AJAP1: variants seen among roughly 807,000 people sequenced by gnomAD.
AJAP1 encodes adherens junction-associated protein 1.
Under a neutral mutation model 35.0 loss-of-function variants are expected in AJAP1, and 5 were observed. The ratio of observed to expected loss-of-function variants is 0.14; its 90% confidence interval spans 0.07 to 0.30. The LOEUF (loss-of-function observed/expected upper bound fraction) is 0.30. Among genes scored for constraint, AJAP1 ranks in the 10% least tolerant of loss-of-function variants. The pLI, the probability that AJAP1 is intolerant of heterozygous loss-of-function variation, is 1.00. For synonymous variants in AJAP1, 284 were observed against 249.3 expected, an observed-to-expected ratio of 1.14 and a Z score of -1.31; for missense variants, 586 against 571.0, an observed-to-expected ratio of 1.03 and a Z score of -0.27.
intron 2 of AJAP1, among the ~76,000 whole-genome samples, chr1:4,742,752 A>C (rs1398418435): frequency 1.3e-5 from 2 of 152,176 alleles, no homozygotes; most frequent in African/African-American, 4.8e-5. Flanking sequence ...CATGAAACAC[A>C]ACCGTTCCCC....
In AJAP1 at chr1:4,750,077, G is replaced by A. The variant is rs1330185996; in HGVS notation, c.830-19776G>A. On this transcript the variant is annotated intron_variant, in intron 2 of 5. Transcript: ENST00000378191. The stretch of plus-strand genomic sequence containing the variant: ...GTATCTATATATGCCAGTGTGTCTG[G>A]TTGTGTTTGGGTCAGTATATGCTAG... 2.0e-5 allele frequency among the ~76,000 whole-genome samples: 3 copies of A among 151,744 alleles called. No individual in the cohort carries two copies. The East Asian group carries it at 5.8e-4, about 29-fold the overall frequency.
rs147285410 is a variant in AJAP1, at chr1:4,762,514, C to T, written c.830-7339C>T. ...GGCGTCAAGGCCCAAGGGAGCTTCC[C>T]CGATATTTCATGCGTATTGTCACAC... On this transcript the variant is annotated intron_variant, in intron 2 of 5. Coordinates refer to ENST00000378191, the MANE Select transcript of AJAP1 (RefSeq NM_018836.4). 1.1e-3 allele frequency among the ~76,000 whole-genome samples: 167 copies of T among 152,306 alleles called. 1 individual carries two copies. The highest frequency in any genetic ancestry group is 3.8e-3 in the African/African-American group (156 of 41,564).
chr1:4,716,632 GTGA>G (rs900610216), intron 2 of AJAP1, among the ~76,000 whole-genome samples: 5 of 151,774 alleles, frequency 3.3e-5, no homozygotes, highest in African/African-American at 7.3e-5. Context: ...GGTGGAAATG[GTGA>G]TGATGATGGT....
intron 2 of AJAP1, among the ~76,000 whole-genome samples, chr1:4,750,126 G>A (rs569890032): frequency 4.6e-5 from 7 of 152,190 alleles, no homozygotes; most frequent in Non-Finnish European, 8.8e-5. Flanking sequence ...GGCTGTGCAT[G>A]TGTGTCTGGG....
Position 4,747,277 on chromosome 1 carries a change from C to T in AJAP1, c.830-22576C>T, listed in dbSNP as rs532865830. Among the ~76,000 whole-genome samples the T allele has an allele frequency of 3.9e-5, 6 of 152,292 alleles. No individual in the cohort carries two copies. In the South Asian group the frequency reaches 6.2e-4, roughly 16 times the overall value. ...TGGCCCTCTCCACTTGCCCACACTCCGATACACCCCTGACTGCTCCTGAGT... is the reference window on the plus strand; with the variant it reads ...TGGCCCTCTCCACTTGCCCACACTCTGATACACCCCTGACTGCTCCTGAGT... On this transcript the variant is annotated intron_variant, in intron 2 of 5. Transcript: ENST00000378191.
chr1:4,657,966 C>G (rs945057278), intron 1 of AJAP1, among the ~76,000 whole-genome samples: 1 of 152,070 alleles, frequency 6.6e-6, no homozygotes, highest in Non-Finnish European at 1.5e-5. Context: ...GGAAGGAGAC[C>G]CAGTGGCTTG....
chr1:4,727,003 C>G (rs1004666711), intron 2 of AJAP1, among the ~76,000 whole-genome samples: 2 of 152,194 alleles, frequency 1.3e-5, no homozygotes, highest in Non-Finnish European at 2.9e-5. Flanking sequence ...TGAGAGCCCC[C>G]GGGAGCCCAG....
chr1:4,676,652 C>G (rs574593383), intron 1 of AJAP1, among the ~76,000 whole-genome samples: 1 of 152,114 alleles, frequency 6.6e-6, no homozygotes, highest in East Asian at 1.9e-4. Context: ...ACTGGATTGT[C>G]GGGTGCCCAG....
intron 2 of AJAP1, among the ~76,000 whole-genome samples, chr1:4,760,963 A>G (rs74051963): frequency 0.011 from 1,658 of 152,326 alleles, 29 homozygotes; most frequent in African/African-American, 0.038. Context: ...CAGGTTGTGC[A>G]GTCTCCATGT....
intron 1 of AJAP1, among the ~76,000 whole-genome samples, chr1:4,659,269 G>C (rs947291784): frequency 2.0e-5 from 3 of 152,204 alleles, no homozygotes; most frequent in African/African-American, 7.2e-5. Flanking sequence ...GTAAAGATTA[G>C]CTTGGAAAGC....
At chr1:4,671,247 C>G (rs1639241305) in intron 1 of AJAP1, among the ~76,000 whole-genome samples, 1 of 151,932 alleles carries the variant, frequency 6.6e-6, no homozygotes, top group African/African-American at 2.4e-5. Flanking sequence ...CAGGCGCCTG[C>G]AATCCCAGCT....
intron 2 of AJAP1, among the ~76,000 whole-genome samples, chr1:4,753,624 G>A (rs1196086025): frequency 6.6e-6 from 1 of 152,150 alleles, no homozygotes; most frequent in Non-Finnish European, 1.5e-5. Flanking sequence ...CCGGGCTGGA[G>A]TGCAATGGCA....
chr1:4,710,142 A>AAAT (rs1640195258), intron 1 of AJAP1, among the ~76,000 whole-genome samples: 2 of 143,920 alleles, frequency 1.4e-5, no homozygotes, highest in South Asian at 4.9e-4. Context: ...TTGCACACAC[A>AAAT]AATACACACA....
chr1:4,664,860 A>G (rs1639081164), intron 1 of AJAP1, among the ~76,000 whole-genome samples: 2 of 152,192 alleles, frequency 1.3e-5, no homozygotes, highest in Non-Finnish European at 2.9e-5. Context: ...GCAATCACCC[A>G]CGGATGGTGC....
intron 1 of AJAP1, among the ~76,000 whole-genome samples, chr1:4,662,175 T>G (rs148197646): frequency 1.3e-3 from 205 of 152,310 alleles, no homozygotes; most frequent in Non-Finnish European, 2.5e-3. Context: ...GTTGCACAAC[T>G]ATTGCCATGG....
rs186834211 is a variant in AJAP1, at chr1:4,754,777, C to T, written c.830-15076C>T. 3.3e-5 allele frequency among the ~76,000 whole-genome samples: 5 copies of T among 152,306 alleles called. No individual in the cohort carries two copies. In the East Asian group the frequency reaches 9.6e-4, roughly 29 times the overall value. On this transcript the variant is annotated intron_variant, in intron 2 of 5. Transcript: ENST00000378191. The stretch of plus-strand genomic sequence containing the variant: ...ACCCCAGCGCAAAGCAAGGAGTGGC[C>T]GTTTTCCTATGGCTTCCTTATTCCA...
intron 2 of AJAP1, among the ~76,000 whole-genome samples, chr1:4,768,091 G>T (rs538890345): frequency 6.6e-6 from 1 of 152,192 alleles, no homozygotes; most frequent in South Asian, 2.1e-4. Flanking sequence ...CTTGCCCAGA[G>T]GTTTACAGCA....
chr1:4,682,035 C>G (rs969607120), intron 1 of AJAP1, among the ~76,000 whole-genome samples: 2 of 152,176 alleles, frequency 1.3e-5, no homozygotes, highest in Non-Finnish European at 2.9e-5. Context: ...GGCCACATAT[C>G]CAGGAAGTGC....
intron 1 of AJAP1, among the ~76,000 whole-genome samples, chr1:4,698,443 T>C (rs922335020): frequency 2.1e-4 from 32 of 152,200 alleles, no homozygotes; most frequent in Non-Finnish European, 4.3e-4. Context: ...TGGAGAAGGC[T>C]GTTTGAGGAC....
Sources: gnomAD v4.1 joint callset for allele counts (sites outside exome capture counted in the v4.1 genomes callset) on GRCh38, gnomAD v4.1.1 for gene constraint, MANE v1.5 for transcripts, NCBI Gene and HGNC (gene_info 2026-07-23, HGNC 2026-07-21) for gene names.